The following POGLUT3 variants were observed in gnomAD, a reference collection of about 807,000 sequenced individuals.
POGLUT3 encodes the protein KDEL (Lys-Asp-Glu-Leu) containing 2.
Under a neutral mutation model 54.3 loss-of-function variants are expected in POGLUT3, and 48 were observed. The observed-to-expected ratio is 0.88, with a 90% confidence interval of 0.70 to 1.12. The LOEUF (loss-of-function observed/expected upper bound fraction) is 1.12, where lower values mean the gene tolerates loss of function less well. Among genes scored for constraint, POGLUT3 ranks in the 50% most tolerant of loss-of-function variants. The pLI, the probability that POGLUT3 is intolerant of heterozygous loss-of-function variation, is 0.00. For missense variants in POGLUT3, 629 were observed against 618.7 expected (o/e 1.02, Z -0.18); for synonymous variants, 218 against 237.4 (o/e 0.92, Z 0.75).
At chr11:108,478,896 C>T (rs963723401) in intron 6 of POGLUT3, among the ~76,000 whole-genome samples, 10 of 152,188 alleles carry the variant, frequency 6.6e-5, no homozygotes, top group Non-Finnish European at 1.0e-4. Flanking sequence ...TTGTATAACA[C>T]GCATTCATTA....
rs1287289545 is a variant in POGLUT3, at chr11:108,486,387, T to C, written c.454A>G (p.Lys152Glu). ...TCCTTGGTTGGACAAGAAAGAGTCT[T>C]CTGCCAGGCCTGAGGATCTTCCGGA... ...ECPEDPQAWQ[K>E]TLSCPTKEPQ... is the part of the protein sequence containing the mutation. The change falls in exon 3 of 8, where the codon AAG becomes GAG. Residue 152 changes from lysine to glutamate, a missense_variant. Coordinates refer to ENST00000323468, the MANE Select transcript of POGLUT3 (RefSeq NM_153705.5). The C allele has an allele frequency of 6.2e-7, 1 of 1,614,122 alleles. No homozygotes were observed. Among genetic ancestry groups the C allele is most frequent in the East Asian group, 2.2e-5 (1 of 44,860 alleles).
At chr11:108,477,903 C>A in intron 6 of POGLUT3, 192 bp from the exon 7 acceptor site, 1 of 573,818 alleles carries the variant, frequency 1.7e-6, no homozygotes, top group Non-Finnish European at 3.1e-6. Flanking sequence ...AATCCCAGTA[C>A]TTTGGGGGCC....
In POGLUT3 at chr11:108,481,377, C is replaced by G; in HGVS notation, c.902-1G>C. On this transcript the variant is annotated splice_acceptor_variant, in intron 4 of 7. Coordinates refer to ENST00000323468, the MANE Select transcript of POGLUT3 (RefSeq NM_153705.5). LOFTEE classifies it high-confidence loss of function. ...TCTGTTTTATTGATCCAGGAAGGCCCTACAAGTTTGAAGCCATAAAAAAAT... is the reference window on the plus strand; with the variant it reads ...TCTGTTTTATTGATCCAGGAAGGCCGTACAAGTTTGAAGCCATAAAAAAAT... The G allele has an allele frequency of 6.4e-7, 1 of 1,558,842 alleles. No individual in the cohort carries two copies. Among genetic ancestry groups the G allele is most frequent in the Non-Finnish European group, 8.6e-7 (1 of 1,161,648 alleles).
At chr11:108,486,683 T>C (rs2093604063) in intron 2 of POGLUT3, 2 of 466,500 alleles carry the variant, frequency 4.3e-6, no homozygotes, top group Non-Finnish European at 7.6e-6. Context: ...GTCACTTAGC[T>C]CATAAATTCA....
In POGLUT3 at chr11:108,498,200, T is replaced by C. The variant is rs2093625888; in HGVS notation, c.167A>G (p.Asn56Ser). The change falls in exon 1 of 8, where the codon AAC (asparagine) becomes AGC (serine). Residue 56 changes from asparagine to serine, a missense_variant. By Grantham distance (46) the Asn-to-Ser change is conservative. Transcript: ENST00000323468. The stretch of plus-strand genomic sequence containing the variant: ...GCGAGTGAGGTTCTGGCCCTCCGAG[T>C]TGACCGCCTGCAGGTAGAAATAGCG... ...PVRYFYLQAV[N>S]SEGQNLTRSP... 3 of 1,521,468 alleles carry C rather than the reference T, an allele frequency of 2.0e-6. No homozygotes were observed. The highest frequency in any genetic ancestry group is 2.5e-5 in the South Asian group (2 of 80,914). 94.2% of individuals were successfully genotyped at this position (1,521,468 alleles called of 1,614,324 possible).
chr11:108,495,129 G>A (rs1328637118), intron 1 of POGLUT3, among the ~76,000 whole-genome samples: 1 of 152,230 alleles, frequency 6.6e-6, no homozygotes, highest in Non-Finnish European at 1.5e-5. Context: ...ACTGTCGAAT[G>A]GGAGTGATAA....
chr11:108,488,273 C>T (rs565625216), intron 2 of POGLUT3, among the ~76,000 whole-genome samples: 6 of 152,238 alleles, frequency 3.9e-5, no homozygotes, highest in Admixed American at 3.9e-4. Flanking sequence ...GATCCACCTG[C>T]TTCGGTCTCC....
At position 108,474,216 on chromosome 11, in the gene POGLUT3, T is replaced by C. The variant is rs2093575744; in HGVS notation, c.*611A>G. 1 of 152,226 alleles carries C rather than the reference T, an allele frequency of 6.6e-6. No homozygotes were observed. Among genetic ancestry groups the C allele is most frequent in the Non-Finnish European group, 1.5e-5 (1 of 68,046 alleles). The allele number at this position is 152,226 out of a possible 1,614,324, so 9.4% of individuals were successfully genotyped here. A position where few individuals can be genotyped will look rare whatever the true frequency, so the allele number is the denominator to read the frequency against. ...GCTGATTTATATTTTAGCAAGTCTCTCTATCGGCTATGATCCCCAAGTTTT... is the reference window on the plus strand; with the variant it reads ...GCTGATTTATATTTTAGCAAGTCTCCCTATCGGCTATGATCCCCAAGTTTT... On this transcript the variant is annotated 3_prime_UTR_variant, in exon 8 of 8. Transcript: ENST00000323468.
In POGLUT3 at chr11:108,473,601, A is replaced by C. The variant is rs1398047873; in HGVS notation, c.*1226T>G. The C allele has an allele frequency of 6.6e-6, 1 of 152,210 alleles. No individual in the cohort carries two copies. The highest frequency in any genetic ancestry group is 1.5e-5 in the Non-Finnish European group (1 of 68,024). 9.4% of individuals were successfully genotyped at this position (152,210 alleles called of 1,614,324 possible). A position where few individuals can be genotyped will look rare whatever the true frequency, so the allele number is the denominator to read the frequency against. On this transcript the variant is annotated 3_prime_UTR_variant, in exon 8 of 8. Coordinates refer to ENST00000323468, the MANE Select transcript of POGLUT3 (RefSeq NM_153705.5). ...GGATGCTTGCCTTTGTTCTTGGCCT[A>C]TTATTAGTGAATCCCAAGATAGCAG...
At chr11:108,489,659 T>C (rs960663422) in intron 2 of POGLUT3, among the ~76,000 whole-genome samples, 4 of 152,168 alleles carry the variant, frequency 2.6e-5, no homozygotes, top group Non-Finnish European at 4.4e-5. Flanking sequence ...TGGTGGCTCA[T>C]GCCTGTAATC....
chr11:108,483,417 C>T (rs1280755991), intron 3 of POGLUT3, among the ~76,000 whole-genome samples: 1 of 152,194 alleles, frequency 6.6e-6, no homozygotes, highest in Admixed American at 6.5e-5. Context: ...ACTCACCCTC[C>T]TCAGGCACTT....
chr11:108,483,125 TA>T (rs1325954594), intron 3 of POGLUT3, among the ~76,000 whole-genome samples: 1 of 152,232 alleles, frequency 6.6e-6, no homozygotes, highest in African/African-American at 2.4e-5. Context: ...CTAAAATTTC[TA>T]AAATAACTTT....
rs1042805155 is a variant in POGLUT3, at chr11:108,474,283, G to C, written c.*544C>G. 2 of 151,966 alleles carry C rather than the reference G, an allele frequency of 1.3e-5. No homozygotes were observed. The highest frequency in any genetic ancestry group is 4.8e-5 in the African/African-American group (2 of 41,350). 9.4% of individuals were successfully genotyped at this position (151,966 alleles called of 1,614,324 possible). On this transcript the variant is annotated 3_prime_UTR_variant, in exon 8 of 8. Transcript: ENST00000323468. Reference sequence around the variant, plus strand: ...TGATGCTGATAATAGCAGTTTTTACGCAAAAGATATTAATATTCAATGATA... The same window carrying C: ...TGATGCTGATAATAGCAGTTTTTACCCAAAAGATATTAATATTCAATGATA...
Position 108,481,239 on chromosome 11 carries a change from G to C in POGLUT3, c.1039C>G (p.Gln347Glu). The change falls in exon 5 of 8, where the codon CAA becomes GAA. Residue 347 changes from glutamine to glutamate, a missense_variant. By Grantham distance (29) the Gln-to-Glu change is conservative. Coordinates refer to ENST00000323468, the MANE Select transcript of POGLUT3 (RefSeq NM_153705.5). ...TTTCCAAGCTCCTTTTCTTTCTCTT[G>C]GAAAAAGAAATATCCTGTAATTCCT... The part of the protein sequence containing the change: ...DAGITGYFFF[Q>E]EKEKELGKAK... 6.2e-7 allele frequency: 1 copy of C among 1,610,518 alleles called. No individual in the cohort carries two copies. Among genetic ancestry groups the C allele is most frequent in the East Asian group, 2.2e-5 (1 of 44,660 alleles).
chr11:108,477,709 T>C lies in POGLUT3; in HGVS notation c.1296A>G (p.Glu432=), dbSNP rs775870780. The C allele has an allele frequency of 2.9e-5, 47 of 1,600,098 alleles. No homozygotes were observed. The highest frequency in any genetic ancestry group is 4.0e-5 in the Non-Finnish European group (47 of 1,167,852). ...DLLEKVKWAK[E]NDEEAKKIAK... ...CAATCTTCTTGGCTTCTTCATCATT[T>C]TCCTGAAAGGTTAAAAAAAATAAAA... Residue 432 remains glutamate, a splice_region_variant and synonymous_variant, in exon 7 of 8, where the codon GAA becomes GAG. Transcript: ENST00000323468.
chr11:108,497,140 G>A (rs957003466), intron 1 of POGLUT3, among the ~76,000 whole-genome samples: 10 of 152,214 alleles, frequency 6.6e-5, no homozygotes, highest in Non-Finnish European at 1.5e-4. Flanking sequence ...TAAGTTCCTT[G>A]ATGGTCAGGC....
chr11:108,480,650 T>A (rs2093590572), intron 5 of POGLUT3, among the ~76,000 whole-genome samples: 1 of 152,040 alleles, frequency 6.6e-6, no homozygotes, highest in African/African-American at 2.4e-5. Context: ...TGTTCACATC[T>A]CTCCTCTGGG....
chr11:108,497,550 G>A (rs2093624337), intron 1 of POGLUT3, among the ~76,000 whole-genome samples: 1 of 152,222 alleles, frequency 6.6e-6, no homozygotes, highest in African/African-American at 2.4e-5. Flanking sequence ...GGAGGACCGG[G>A]CAGAAAGGGA....
Position 108,474,600 on chromosome 11 carries a change from A to C in POGLUT3, c.*227T>G. 1 of 349,066 alleles carries C rather than the reference A, an allele frequency of 2.9e-6. No homozygotes were observed. Among genetic ancestry groups the C allele is most frequent in the Non-Finnish European group, 5.2e-6 (1 of 193,336 alleles). 21.6% of individuals were successfully genotyped at this position (349,066 alleles called of 1,614,324 possible). A position where few individuals can be genotyped will look rare whatever the true frequency, so the allele number is the denominator to read the frequency against. ...ATCCCCAAGATACCTCATTATGTAC[A>C]TGCAAATATTCCCAAATCTTAAAAA... On this transcript the variant is annotated 3_prime_UTR_variant, in exon 8 of 8. Coordinates refer to ENST00000323468, the MANE Select transcript of POGLUT3 (RefSeq NM_153705.5).
Sources: gnomAD v4.1 joint callset for allele counts (sites outside exome capture counted in the v4.1 genomes callset) on GRCh38, gnomAD v4.1.1 for gene constraint, MANE v1.5 for transcripts, NCBI Gene and HGNC (gene_info 2026-07-23, HGNC 2026-07-21) for gene names.